C2orf76: variants seen among roughly 807,000 people sequenced by gnomAD.
The protein encoded by C2orf76 is UPF0538 protein C2orf76.
A neutral mutation model predicts 16.9 loss-of-function variants in C2orf76; 23 were observed. That is an observed-to-expected ratio of 1.36 (90% CI 0.98 to 1.93). The LOEUF (loss-of-function observed/expected upper bound fraction) is 1.93, where lower values mean the gene tolerates loss of function less well. Among genes scored for constraint, C2orf76 ranks in the 30% most tolerant of loss-of-function variants. C2orf76 has a pLI of 0.00. For synonymous variants in C2orf76, 48 were observed against 52.3 expected (o/e 0.92, Z 0.35); for missense variants, 152 against 152.6 (o/e 1.00, Z 0.02).
intron 1 of C2orf76, among the ~76,000 whole-genome samples, chr2:119,344,080 C>T (rs796862052): frequency 6.6e-6 from 1 of 152,206 alleles, no homozygotes; most frequent in South Asian, 2.1e-4. Context: ...ATATGCTGTA[C>T]TTAAATAGTT....
chr2:119,329,517 A>G (rs1679607622), intron 2 of C2orf76, among the ~76,000 whole-genome samples: 1 of 152,134 alleles, frequency 6.6e-6, no homozygotes, highest in Non-Finnish European at 1.5e-5. Flanking sequence ...ATATGGTTAA[A>G]GTTTGCTATT....
intron 2 of C2orf76, among the ~76,000 whole-genome samples, chr2:119,334,805 C>A (rs1259300893): frequency 5.9e-5 from 9 of 151,964 alleles, no homozygotes; most frequent in Non-Finnish European, 1.0e-4. Flanking sequence ...CTACAACAAC[C>A]TTACTGAAGG....
intron 5 of C2orf76, among the ~76,000 whole-genome samples, chr2:119,309,224 CATA>C (rs1423939080): frequency 6.6e-6 from 1 of 152,114 alleles, no homozygotes; most frequent in Non-Finnish European, 1.5e-5. Context: ...GACTCTACTA[CATA>C]AAACAGTATC....
intron 2 of C2orf76, among the ~76,000 whole-genome samples, chr2:119,324,995 T>C (rs912015203): frequency 7.9e-5 from 12 of 152,114 alleles, no homozygotes; most frequent in Non-Finnish European, 1.3e-4. Flanking sequence ...TCATTCCACC[T>C]AGAAGTGGAA....
At chr2:119,299,997 A>G (rs1328862702), downstream of C2orf76, among the ~76,000 whole-genome samples, 2 of 152,122 alleles carry the variant, frequency 1.3e-5, no homozygotes, top group East Asian at 3.9e-4. Flanking sequence ...CAGGTCCCAA[A>G]CATTCTAAGG....
At chr2:119,281,658 C>T in the C2orf76 span, among the ~76,000 whole-genome samples, 3 of 152,112 alleles carry the variant, frequency 2.0e-5, no homozygotes, top group Admixed American at 6.5e-5. Flanking sequence ...GAATAGGAAA[C>T]CGTTATTACT....
At chr2:119,358,561 G>A (rs1383002266) in intron 1 of C2orf76, among the ~76,000 whole-genome samples, 2 of 138,040 alleles carry the variant, frequency 1.4e-5, no homozygotes. Context: ...CTGGGTGACA[G>A]AGGGAGACTC....
In C2orf76 at chr2:119,365,719, T is replaced by A. The variant is rs540673106; in HGVS notation, c.-13+1071A>T. 1.5e-4 allele frequency among the ~76,000 whole-genome samples: 23 copies of A among 152,288 alleles called. No individual in the cohort carries two copies. In the South Asian group the frequency reaches 4.8e-3, roughly 32 times the overall value. On this transcript the variant is annotated intron_variant, in intron 1 of 5. Transcript: ENST00000334816. Reference sequence around the variant, plus strand: ...TCCTTTGCAACCACTGCCAGAGAAGTCTTCCTTTAGCTTCTTAAACATCGA... The same window carrying A: ...TCCTTTGCAACCACTGCCAGAGAAGACTTCCTTTAGCTTCTTAAACATCGA...
At chr2:119,352,033 G>A (rs1331426522) in intron 1 of C2orf76, among the ~76,000 whole-genome samples, 1 of 152,134 alleles carries the variant, frequency 6.6e-6, no homozygotes, top group Non-Finnish European at 1.5e-5. Context: ...TAAGAGAATG[G>A]AATCCAAAAT....
At chr2:119,310,803 G>A (rs560170634) in intron 5 of C2orf76, among the ~76,000 whole-genome samples, 1 of 152,322 alleles carries the variant, frequency 6.6e-6, no homozygotes, top group African/African-American at 2.4e-5. Flanking sequence ...GAACCCGGGA[G>A]ATGGAGGTTG....
downstream of C2orf76, among the ~76,000 whole-genome samples, chr2:119,299,445 A>G (rs1678583880): frequency 6.6e-6 from 1 of 152,216 alleles, no homozygotes; most frequent in African/African-American, 2.4e-5. Context: ...CTAATTTTGA[A>G]TCAATCTTCC....
chr2:119,346,998 A>T (rs1467523174), intron 1 of C2orf76, among the ~76,000 whole-genome samples: 1 of 152,240 alleles, frequency 6.6e-6, no homozygotes, highest in Non-Finnish European at 1.5e-5. Flanking sequence ...AAATAAAAAA[A>T]TTCCAAAAAT....
intron 1 of C2orf76, among the ~76,000 whole-genome samples, chr2:119,346,054 CAAAAAAAAAA>C (rs56669262): frequency 1.4e-4 from 10 of 73,566 alleles, no homozygotes; most frequent in Admixed American, 3.4e-4. Flanking sequence ...GACGCCATCT[CAAAAAAAAAA>C]AAAAAAAAAA....
chr2:119,295,740 AAG>A, the C2orf76 span, among the ~76,000 whole-genome samples: 5 of 152,312 alleles, frequency 3.3e-5, no homozygotes, highest in Admixed American at 1.3e-4. Flanking sequence ...CCTATTTTGA[AAG>A]AGTCACATGA....
chr2:119,351,243 T>G (rs1367271589), intron 1 of C2orf76, among the ~76,000 whole-genome samples: 4 of 152,194 alleles, frequency 2.6e-5, no homozygotes, highest in Non-Finnish European at 5.9e-5. Flanking sequence ...ACAGCCTGCC[T>G]GAACAAAGCT....
the C2orf76 span, among the ~76,000 whole-genome samples, chr2:119,295,896 C>G: frequency 0.052 from 7,877 of 152,214 alleles, 691 homozygotes; most frequent in African/African-American, 0.18. Flanking sequence ...CACCGTCGAG[C>G]AGCACAACAC....
intron 1 of C2orf76, among the ~76,000 whole-genome samples, chr2:119,352,874 G>C (rs1220973857): frequency 6.6e-6 from 1 of 152,116 alleles, no homozygotes; most frequent in Non-Finnish European, 1.5e-5. Flanking sequence ...CATGCTAAAT[G>C]CTTAATTCTC....
chr2:119,302,447 C>T lies in C2orf76; in HGVS notation c.*25G>A, dbSNP rs756134116. The T allele has an allele frequency of 5.1e-6, 5 of 989,316 alleles. No homozygotes were observed. Among genetic ancestry groups the T allele is most frequent in the Non-Finnish European group, 7.7e-6 (5 of 653,474 alleles). 61.3% of individuals were successfully genotyped at this position (989,316 alleles called of 1,614,324 possible). A position where few individuals can be genotyped will look rare whatever the true frequency, so the allele number is the denominator to read the frequency against. ...GAATAAAGAGCTTAATACAGGTATG[C>T]AAAAAGGAAGCCCTCGAGATGTTTT... On this transcript the variant is annotated 3_prime_UTR_variant, in exon 6 of 6. Transcript: ENST00000334816.
intron 1 of C2orf76, among the ~76,000 whole-genome samples, chr2:119,340,755 TACACACACACACACACACACACACACAC>T: frequency 7.1e-6 from 1 of 140,284 alleles, no homozygotes; most frequent in East Asian, 2.2e-4. Flanking sequence ...TGCTTTCTAA[TACACACACACACACACACACACACACAC>T]ACACACACAC....
Sources: allele counts gnomAD v4.1 joint callset (sites outside exome capture counted in the v4.1 genomes callset), GRCh38; gene constraint gnomAD v4.1.1; transcripts MANE v1.5; gene names NCBI Gene and HGNC (gene_info 2026-07-23, HGNC 2026-07-21).